Variants in GPC6 observed in about 807,000 individuals in gnomAD.
The protein encoded by GPC6 is glypican-6.
GPC6 carries 14 observed loss-of-function variants against 55.2 expected under a neutral mutation model. That is an observed-to-expected ratio of 0.25 (90% CI 0.17 to 0.40). GPC6 has a LOEUF of 0.40. Ranked by LOEUF, GPC6 falls within the 10% of genes least tolerant of loss-of-function variation. The pLI is 1.00. For synonymous variants in GPC6, 278 were observed against 259.6 expected (o/e 1.07, Z -0.68); for missense variants, 641 against 708.5 (o/e 0.90, Z 1.08).
intron 6 of GPC6, among the ~76,000 whole-genome samples, chr13:94,364,998 G>T (rs185145473): frequency 6.6e-6 from 1 of 152,032 alleles, no homozygotes; most frequent in Non-Finnish European, 1.5e-5. Context: ...TTATTCATTC[G>T]CTATTATTGA....
intron 2 of GPC6, among the ~76,000 whole-genome samples, chr13:93,742,814 G>A (rs371127862): frequency 2.6e-5 from 4 of 152,166 alleles, no homozygotes; most frequent in Non-Finnish European, 5.9e-5. Context: ...CTGGAAGTAT[G>A]GATGCAAACA....
At chr13:94,261,417 A>G (rs539913839) in intron 4 of GPC6, among the ~76,000 whole-genome samples, 1 of 152,362 alleles carries the variant, frequency 6.6e-6, no homozygotes, top group South Asian at 2.1e-4. Context: ...TCTTTTGCAC[A>G]GGTCATAATT....
At chr13:94,048,435 C>T (rs951536524) in intron 4 of GPC6, among the ~76,000 whole-genome samples, 2 of 151,312 alleles carry the variant, frequency 1.3e-5, no homozygotes, top group Non-Finnish European at 2.9e-5. Flanking sequence ...GCCTGACTTG[C>T]AAGTAAAAAA....
intron 4 of GPC6, among the ~76,000 whole-genome samples, chr13:94,175,986 A>AGAGCGC (rs1555304127): frequency 7.6e-6 from 1 of 131,206 alleles, no homozygotes; most frequent in Non-Finnish European, 1.6e-5. Context: ...AGAGAGAGAG[A>AGAGCGC]GAGAGAGCGA....
chr13:94,035,530 A>G (rs1883302730), intron 4 of GPC6, among the ~76,000 whole-genome samples: 1 of 152,086 alleles, frequency 6.6e-6, no homozygotes, highest in Non-Finnish European at 1.5e-5. Context: ...AGTTGTAACA[A>G]GTCCCACGGC....
At chr13:93,223,464 G>A (rs1318182803), upstream of GPC6, among the ~76,000 whole-genome samples, 1 of 151,776 alleles carries the variant, frequency 6.6e-6, no homozygotes, top group African/African-American at 2.4e-5. Context: ...TTTTTTTTGA[G>A]ACAGAGTCTC....
At chr13:94,379,149 A>G (rs1332335805) in intron 6 of GPC6, among the ~76,000 whole-genome samples, 2 of 152,228 alleles carry the variant, frequency 1.3e-5, no homozygotes, top group Non-Finnish European at 2.9e-5. Context: ...ATAAAATGAG[A>G]AAAACATTTC....
chr13:93,839,524 G>A (rs1288653762), intron 3 of GPC6, among the ~76,000 whole-genome samples: 1 of 152,008 alleles, frequency 6.6e-6, no homozygotes, highest in East Asian at 1.9e-4. Context: ...TTTATGTGGT[G>A]TATCACATTT....
chr13:93,618,959 G>A (rs1878839250), intron 2 of GPC6, among the ~76,000 whole-genome samples: 1 of 152,078 alleles, frequency 6.6e-6, no homozygotes, highest in Non-Finnish European at 1.5e-5. Flanking sequence ...GTATGGTATG[G>A]CCTATTGCTC....
chr13:93,918,123 A>G (rs537028202), intron 3 of GPC6, among the ~76,000 whole-genome samples: 5 of 151,968 alleles, frequency 3.3e-5, no homozygotes, highest in African/African-American at 1.2e-4. Context: ...CATCTAACTC[A>G]TGATGTACTT....
At chr13:93,256,867 T>C (rs1389275127) in intron 1 of GPC6, among the ~76,000 whole-genome samples, 1 of 152,154 alleles carries the variant, frequency 6.6e-6, no homozygotes, top group Non-Finnish European at 1.5e-5. Context: ...TGTTGAGATG[T>C]TTCTATACCA....
intron 1 of GPC6, among the ~76,000 whole-genome samples, chr13:93,302,779 T>C (rs902615181): frequency 6.6e-6 from 1 of 152,138 alleles, no homozygotes; most frequent in Non-Finnish European, 1.5e-5. Flanking sequence ...TAGCATTTGG[T>C]GAGGAGAAGG....
At chr13:93,627,769 T>C (rs572846988) in intron 2 of GPC6, among the ~76,000 whole-genome samples, 2 of 152,316 alleles carry the variant, frequency 1.3e-5, no homozygotes, top group Non-Finnish European at 2.9e-5. Context: ...GCTCTATGGT[T>C]TTTATCGTGA....
intron 2 of GPC6, among the ~76,000 whole-genome samples, chr13:93,649,815 G>A (rs1044447967): frequency 2.6e-5 from 4 of 152,136 alleles, no homozygotes; most frequent in African/African-American, 9.7e-5. Context: ...TGGAGGAAAA[G>A]GGAAGCAACT....
At chr13:93,839,731 C>A (rs1887880656) in intron 3 of GPC6, among the ~76,000 whole-genome samples, 1 of 152,014 alleles carries the variant, frequency 6.6e-6, no homozygotes, top group Non-Finnish European at 1.5e-5. Flanking sequence ...TGAGGATGTT[C>A]CCTGGTGCAA....
intron 4 of GPC6, among the ~76,000 whole-genome samples, chr13:94,046,784 T>C (rs975079845): frequency 6.6e-6 from 1 of 152,140 alleles, no homozygotes; most frequent in South Asian, 2.1e-4. Flanking sequence ...ATAAACCTCC[T>C]CCACATGCCC....
At chr13:93,925,439 A>G (rs1877807249) in intron 3 of GPC6, among the ~76,000 whole-genome samples, 1 of 152,200 alleles carries the variant, frequency 6.6e-6, no homozygotes, top group Non-Finnish European at 1.5e-5. Flanking sequence ...GTAGCATGAA[A>G]AATTTGAGTT....
chr13:93,553,525 T>C (rs1329085168), intron 2 of GPC6, among the ~76,000 whole-genome samples: 1 of 151,220 alleles, frequency 6.6e-6, no homozygotes. Context: ...ACCCCGTCTC[T>C]ACTAAAAAAA....
At chr13:94,101,933 T>A (rs1566407089) in intron 4 of GPC6, among the ~76,000 whole-genome samples, 1 of 152,124 alleles carries the variant, frequency 6.6e-6, no homozygotes, top group Non-Finnish European at 1.5e-5. Context: ...CATTTGTTAA[T>A]GCAAAAACAC....
Sources: allele counts gnomAD v4.1 joint callset (sites outside exome capture counted in the v4.1 genomes callset), GRCh38; gene constraint gnomAD v4.1.1; transcripts MANE v1.5; gene names NCBI Gene and HGNC (gene_info 2026-07-23, HGNC 2026-07-21).